The following MRPL33 variants were observed in gnomAD, a reference collection of about 807,000 sequenced individuals.
MRPL33 encodes the protein mitochondrial ribosomal protein L33.
Under a neutral mutation model 10.1 loss-of-function variants are expected in MRPL33, and 5 were observed. That is an observed-to-expected ratio of 0.49 (90% confidence interval 0.26 to 1.04). MRPL33 has a LOEUF of 1.04. Ranked by LOEUF, MRPL33 falls within the 50% of genes least tolerant of loss-of-function variation. The probability of loss-of-function intolerance (pLI) is 0.14; values close to 1 mark genes in which losing one functional copy is unlikely to be tolerated. For synonymous variants in MRPL33, 24 were observed against 27.7 expected, an observed-to-expected ratio of 0.87 and a Z score of 0.42; for missense variants, 79 against 78.1, an observed-to-expected ratio of 1.01 and a Z score of -0.04.
In MRPL33 at chr2:27,779,509, T is replaced by TA; in HGVS notation, c.*28dup. 6.2e-7 allele frequency: 1 copy of TA among 1,613,246 alleles called. No individual in the cohort carries two copies. The highest frequency in any genetic ancestry group is 8.5e-7 in the Non-Finnish European group (1 of 1,179,728). ...CGGTGGATTGAAAATGACTTTGATT[T>TA]ATAAAGAGAAGACTGAGGGCGGGGA... On this transcript the variant is annotated 3_prime_UTR_variant, in exon 4 of 4. Coordinates refer to ENST00000296102, the MANE Select transcript of MRPL33 (RefSeq NM_004891.4).
rs1573022664 is a variant in MRPL33 at position 27,772,521 on chromosome 2, A to G, written c.23-153A>G. 6 of 603,134 alleles carry G rather than the reference A, an allele frequency of 9.9e-6. No homozygotes were observed. The East Asian group carries it at 1.7e-4, about 17-fold the overall frequency. 37.4% of individuals were successfully genotyped at this position (603,134 alleles called of 1,614,324 possible). A position where few individuals can be genotyped will look rare whatever the true frequency, so the allele number is the denominator to read the frequency against. ...ATAAAATCCTAAGGGGATCCCTAAT[A>G]GATAGGGAATAGTTACTTGAGTGAC... On this transcript the variant is annotated intron_variant, in intron 1 of 3. Coordinates refer to ENST00000296102, the MANE Select transcript of MRPL33 (RefSeq NM_004891.4).
chr2:27,774,363 CT>C, intron 2 of MRPL33, 60 bp from the exon 3 acceptor site: 2 of 1,358,162 alleles, frequency 1.5e-6, no homozygotes, highest in East Asian at 2.3e-5. Flanking sequence ...TGCCATCCCC[CT>C]GTGACTGATT....
chr2:27,771,744 G>A lies in MRPL33; in HGVS notation c.-34G>A, dbSNP rs1240635270. The A allele has an allele frequency of 1.9e-6, 3 of 1,613,940 alleles. No homozygotes were observed. The Admixed American group carries it at 5.0e-5, about 27-fold the overall frequency. On this transcript the variant is annotated 5_prime_UTR_variant, in exon 1 of 4. Coordinates refer to ENST00000296102, the MANE Select transcript of MRPL33 (RefSeq NM_004891.4). ...AGTTGTTGTTGGTTGGGGGCCTTTT[G>A]GCCGGTGACGGAGACTGCCCAGGTG...
At chr2:27,774,987 C>T (rs1175361546) in intron 3 of MRPL33, among the ~76,000 whole-genome samples, 3 of 152,130 alleles carry the variant, frequency 2.0e-5, no homozygotes, top group African/African-American at 7.2e-5. Flanking sequence ...GTATGGTGTC[C>T]TGGCATCATC....
intron 3 of MRPL33, among the ~76,000 whole-genome samples, chr2:27,776,484 T>A (rs1371634777): frequency 6.6e-6 from 1 of 152,244 alleles, no homozygotes; most frequent in Admixed American, 6.5e-5. Flanking sequence ...CGTGAAAAAA[T>A]TCCCAATTAT....
At chr2:27,773,682 T>TA (rs1183821408) in intron 2 of MRPL33, among the ~76,000 whole-genome samples, 14 of 152,240 alleles carry the variant, frequency 9.2e-5, no homozygotes, top group Admixed American at 2.0e-4. Context: ...CTGTGTTGAA[T>TA]AATTATTGTC....
Position 27,771,770 on chromosome 2 carries a change from T to A in MRPL33, c.-8T>A. On this transcript the variant is annotated 5_prime_UTR_variant, in exon 1 of 4. Coordinates refer to ENST00000296102, the MANE Select transcript of MRPL33 (RefSeq NM_004891.4). ...GCCGGTGACGGAGACTGCCCAGGTG[T>A]GGTCACCATGTTCCTCTCCGCGGTC... 6.2e-7 allele frequency: 1 copy of A among 1,614,024 alleles called. No individual in the cohort carries two copies.
chr2:27,779,595 C>T lies in MRPL33; in HGVS notation c.*113C>T. On this transcript the variant is annotated 3_prime_UTR_variant, in exon 4 of 4. Coordinates refer to ENST00000296102, the MANE Select transcript of MRPL33 (RefSeq NM_004891.4). The stretch of plus-strand genomic sequence containing the variant: ...AAGAGGAAATGGCATGGAATCACTG[C>T]CTCCTGTGATTTGAAGGCCATTGTG... 6.4e-7 allele frequency: 1 copy of T among 1,574,322 alleles called. No individual in the cohort carries two copies. Among genetic ancestry groups the T allele is most frequent in the Non-Finnish European group, 8.6e-7 (1 of 1,165,124 alleles).
At chr2:27,775,218 G>A (rs1340513987) in intron 3 of MRPL33, among the ~76,000 whole-genome samples, 5 of 152,170 alleles carry the variant, frequency 3.3e-5, no homozygotes, top group East Asian at 1.9e-4. Flanking sequence ...AACAAAAATA[G>A]AGTCAGCACC....
intron 2 of MRPL33, among the ~76,000 whole-genome samples, chr2:27,773,044 A>C (rs1387314856): frequency 6.6e-6 from 1 of 152,206 alleles, no homozygotes; most frequent in African/African-American, 2.4e-5. Flanking sequence ...ACCAGGGGCC[A>C]TGTGTCTGGA....
intron 3 of MRPL33, among the ~76,000 whole-genome samples, chr2:27,779,024 C>T (rs1015929932): frequency 2.6e-5 from 4 of 152,208 alleles, no homozygotes; most frequent in African/African-American, 4.8e-5. Context: ...GTCTATTACT[C>T]TTCCAGACAG....
At chr2:27,777,521 A>G (rs1477770071) in intron 3 of MRPL33, among the ~76,000 whole-genome samples, 6 of 151,852 alleles carry the variant, frequency 4.0e-5, no homozygotes, top group Non-Finnish European at 7.4e-5. Flanking sequence ...CAGGGACCAA[A>G]CTTGACACTT....
intron 2 of MRPL33, 178 bp downstream of exon 2, chr2:27,772,870 C>T: frequency 3.4e-6 from 2 of 584,636 alleles, no homozygotes; most frequent in Non-Finnish European, 6.0e-6. Context: ...AAATATTTTC[C>T]CTCCTGCTGA....
At chr2:27,777,046 A>G (rs1218460891) in intron 3 of MRPL33, among the ~76,000 whole-genome samples, 1 of 152,066 alleles carries the variant, frequency 6.6e-6, no homozygotes, top group Non-Finnish European at 1.5e-5. Context: ...CTATGTATTT[A>G]TTTATTTAAT....
chr2:27,774,340 A>C (rs896197190), intron 2 of MRPL33, 84 bp from the exon 3 acceptor site: 7 of 1,057,462 alleles, frequency 6.6e-6, no homozygotes, highest in African/African-American at 1.6e-5. Context: ...TACCCTACAG[A>C]GTTCTCAAAA....
Position 27,779,411 on chromosome 2 carries a change from ATTTT to A in MRPL33, c.149-16_149-13del, listed in dbSNP as rs753077987. 5.1e-6 allele frequency: 8 copies of A among 1,570,348 alleles called. No homozygotes were observed. The Admixed American group carries it at 1.4e-4, about 27-fold the overall frequency. ...TGATACTTAATAATTTTCTGCCACA[ATTTT>A]TTTTTCTCCCTCCATAGTGAAACAA... On this transcript the variant is annotated intron_variant, in intron 3 of 3. Coordinates refer to ENST00000296102, the MANE Select transcript of MRPL33 (RefSeq NM_004891.4).
At position 27,774,406 on chromosome 2, in the gene MRPL33, C is replaced by A. The variant is rs772900305; in HGVS notation, c.42-18C>A. ...TATTTCGTCAGCTCGTACATAACAGCGTACTTTTTAATCTTAGAAACATTC... is the reference window on the plus strand; with the variant it reads ...TATTTCGTCAGCTCGTACATAACAGAGTACTTTTTAATCTTAGAAACATTC... On this transcript the variant is annotated intron_variant, in intron 2 of 3. Coordinates refer to ENST00000296102, the MANE Select transcript of MRPL33 (RefSeq NM_004891.4). The A allele has an allele frequency of 1.9e-6, 3 of 1,601,232 alleles. No homozygotes were observed. The East Asian group carries it at 6.7e-5, about 36-fold the overall frequency.
Position 27,771,750 on chromosome 2 carries a change from T to C in MRPL33, c.-28T>C, listed in dbSNP as rs372748850. 2.9e-4 allele frequency: 473 copies of C among 1,614,082 alleles called. 1 individual carries two copies. The highest frequency in any genetic ancestry group is 2.9e-4 in the Non-Finnish European group (340 of 1,179,972). On this transcript the variant is annotated 5_prime_UTR_variant, in exon 1 of 4. Coordinates refer to ENST00000296102, the MANE Select transcript of MRPL33 (RefSeq NM_004891.4). ...TGTTGGTTGGGGGCCTTTTGGCCGG[T>C]GACGGAGACTGCCCAGGTGTGGTCA... is the stretch of plus-strand genomic sequence containing the variant.
chr2:27,773,529 A>G (rs1054265592), intron 2 of MRPL33, among the ~76,000 whole-genome samples: 6 of 152,198 alleles, frequency 3.9e-5, no homozygotes, highest in Admixed American at 2.0e-4. Flanking sequence ...CATATTTCAT[A>G]TATGTCTTGC....
Sources: gnomAD v4.1 joint callset for allele counts (sites outside exome capture counted in the v4.1 genomes callset) on GRCh38, gnomAD v4.1.1 for gene constraint, MANE v1.5 for transcripts, NCBI Gene and HGNC (gene_info 2026-07-23, HGNC 2026-07-21) for gene names.